The following TSHZ2 variants were observed in gnomAD, a reference collection of about 807,000 sequenced individuals.
TSHZ2 encodes teashirt zinc finger homeobox 2.
Under a neutral mutation model 74.4 loss-of-function variants are expected in TSHZ2, and 21 were observed. The ratio of observed to expected loss-of-function variants is 0.28; its 90% CI spans 0.20 to 0.41. The LOEUF is 0.41. Ranked by LOEUF, TSHZ2 falls within the 10% of genes least tolerant of loss-of-function variation. The pLI is 1.00. For missense variants in TSHZ2, 1,244 were observed against 1,293.5 expected (o/e 0.96, Z 0.59); for synonymous variants, 540 against 515.3 (o/e 1.05, Z -0.65).
intron 2 of TSHZ2, among the ~76,000 whole-genome samples, chr20:53,409,229 T>C (rs1383826624): frequency 6.6e-6 from 1 of 150,624 alleles, no homozygotes; most frequent in Non-Finnish European, 1.5e-5. Context: ...AAATCAATAA[T>C]GCTCTGTTTG....
At chr20:53,325,095 G>A (rs1350248405) in intron 2 of TSHZ2, among the ~76,000 whole-genome samples, 1 of 152,194 alleles carries the variant, frequency 6.6e-6, no homozygotes, top group African/African-American at 2.4e-5. Flanking sequence ...ACTGTCTTAC[G>A]AACACAGGGA....
At chr20:53,225,656 G>A (rs181270844) in intron 1 of TSHZ2, among the ~76,000 whole-genome samples, 1 of 152,296 alleles carries the variant, frequency 6.6e-6, no homozygotes, top group Non-Finnish European at 1.5e-5. Context: ...TTTTACAGCC[G>A]AAGAAACTGG....
chr20:53,210,757 C>G (rs1474401880), intron 1 of TSHZ2, among the ~76,000 whole-genome samples: 4 of 152,046 alleles, frequency 2.6e-5, no homozygotes, highest in Non-Finnish European at 1.5e-5. Context: ...CCTCTTCTAT[C>G]CAGTATTTCC....
At chr20:52,984,265 C>A (rs1021416414) in intron 1 of TSHZ2, among the ~76,000 whole-genome samples, 6 of 152,104 alleles carry the variant, frequency 3.9e-5, no homozygotes, top group African/African-American at 1.4e-4. Context: ...CCTGCCTTCC[C>A]GGAGCTTACA....
intron 2 of TSHZ2, among the ~76,000 whole-genome samples, chr20:53,474,158 G>A (rs1316614062): frequency 7.4e-5 from 11 of 148,796 alleles, no homozygotes; most frequent in African/African-American, 1.5e-4. Context: ...TGCAGAGAAC[G>A]CCACAAAGAT....
chr20:53,176,445 C>T (rs138697739), intron 1 of TSHZ2, among the ~76,000 whole-genome samples: 1 of 152,154 alleles, frequency 6.6e-6, no homozygotes, highest in East Asian at 1.9e-4. Context: ...TCTCAAAGCC[C>T]TCTTAATTGA....
rs1221348814 is a variant in TSHZ2, at chr20:53,475,708, A to G, written c.*9-11436A>G. Reference sequence around the variant, plus strand: ...ACACAAAAAACCCTTCAAAAAATTAATGAATCCAGGAGCTGGTTTCTTGAA... The same window carrying G: ...ACACAAAAAACCCTTCAAAAAATTAGTGAATCCAGGAGCTGGTTTCTTGAA... On this transcript the variant is annotated intron_variant, in intron 2 of 2. Coordinates refer to ENST00000371497, the MANE Select transcript of TSHZ2 (RefSeq NM_173485.6). 5.0e-5 allele frequency among the ~76,000 whole-genome samples: 7 copies of G among 139,880 alleles called. 2 individuals are homozygous for G. In the East Asian group the frequency reaches 1.3e-3, roughly 27 times the overall value. The allele number at this position is 139,880 out of a possible 152,430, so 91.8% of individuals were successfully genotyped here.
At chr20:52,980,011 C>T (rs1207602483) in intron 1 of TSHZ2, among the ~76,000 whole-genome samples, 2 of 152,182 alleles carry the variant, frequency 1.3e-5, no homozygotes, top group Non-Finnish European at 2.9e-5. Flanking sequence ...ATTTCAATAT[C>T]CTCCTACCTG....
chr20:53,354,551 T>G (rs1980773231), intron 2 of TSHZ2, among the ~76,000 whole-genome samples: 1 of 152,232 alleles, frequency 6.6e-6, no homozygotes, highest in Admixed American at 6.5e-5. Context: ...TTTCTCAATT[T>G]GAGTCATATT....
At chr20:53,134,594 A>G (rs1032119262) in intron 1 of TSHZ2, among the ~76,000 whole-genome samples, 1 of 152,152 alleles carries the variant, frequency 6.6e-6, no homozygotes. Context: ...TGCATCCTCT[A>G]TGTATTACGC....
At chr20:53,108,868 G>A (rs534948732) in intron 1 of TSHZ2, among the ~76,000 whole-genome samples, 19 of 152,178 alleles carry the variant, frequency 1.2e-4, no homozygotes, top group African/African-American at 4.3e-4. Context: ...AGTGTCCCTG[G>A]TTCGCCAACA....
At chr20:53,185,729 T>C in intron 1 of TSHZ2, 1 of 1,535,332 alleles carries the variant, frequency 6.5e-7, no homozygotes, top group Non-Finnish European at 8.7e-7. Flanking sequence ...GGCTCTATTC[T>C]CTTGCTAAAT....
intron 2 of TSHZ2, among the ~76,000 whole-genome samples, chr20:53,257,953 A>C (rs1057119317): frequency 6.6e-5 from 10 of 152,244 alleles, no homozygotes; most frequent in Admixed American, 6.5e-4. Context: ...AGCGGTATTT[A>C]CATGGCATGG....
At chr20:53,090,960 C>A (rs1394368669) in intron 1 of TSHZ2, among the ~76,000 whole-genome samples, 1 of 152,138 alleles carries the variant, frequency 6.6e-6, no homozygotes, top group Non-Finnish European at 1.5e-5. Context: ...AAAATACTTA[C>A]CATATCAGAT....
chr20:53,353,156 G>A (rs1980717226), intron 2 of TSHZ2, among the ~76,000 whole-genome samples: 1 of 152,136 alleles, frequency 6.6e-6, no homozygotes, highest in Admixed American at 6.5e-5. Flanking sequence ...GATAGTCCAG[G>A]ATATCAGTTA....
Position 53,255,854 on chromosome 20 carries a change from T to A in TSHZ2, c.2396T>A (p.Val799Asp). 6.2e-7 allele frequency: 1 copy of A among 1,611,530 alleles called. No individual in the cohort carries two copies. Among genetic ancestry groups the A allele is most frequent in the South Asian group, 1.1e-5 (1 of 90,740 alleles). The change falls in exon 2 of 3, where the codon GTC (valine) becomes GAC (aspartate). Residue 799 changes from valine to aspartate, a missense_variant. Transcript: ENST00000371497. This position sits in a 1 kb window ranked among gnomAD's most constrained non-coding sequence, Gnocchi z 4.1. ...KHALSDIADM[V>D]KVLPKATTPK... ...GCTCTGTCTGACATCGCCGACATGGTCAAAGTCCTCCCCAAAGCCACCACC... is the reference window on the plus strand; with the variant it reads ...GCTCTGTCTGACATCGCCGACATGGACAAAGTCCTCCCCAAAGCCACCACC...
At chr20:53,454,240 C>T (rs1984950976) in intron 2 of TSHZ2, among the ~76,000 whole-genome samples, 1 of 152,108 alleles carries the variant, frequency 6.6e-6, no homozygotes. Flanking sequence ...ACTTCTTTGG[C>T]TGTCTGATGA....
intron 2 of TSHZ2, among the ~76,000 whole-genome samples, chr20:53,326,843 C>T (rs1434375789): frequency 1.3e-5 from 2 of 152,222 alleles, no homozygotes; most frequent in African/African-American, 2.4e-5. Context: ...GAAAATCTTA[C>T]ACTACCTGCC....
At chr20:53,215,182 A>G (rs899158329) in intron 1 of TSHZ2, among the ~76,000 whole-genome samples, 1 of 152,166 alleles carries the variant, frequency 6.6e-6, no homozygotes, top group African/African-American at 2.4e-5. Flanking sequence ...TAGAAAATCT[A>G]ACAGCACTGA....
Sources: allele counts gnomAD v4.1 joint callset (sites outside exome capture counted in the v4.1 genomes callset), GRCh38; gene constraint gnomAD v4.1.1; non-coding constraint Gnocchi (gnomAD v3.1); transcripts MANE v1.5; gene names NCBI Gene and HGNC (gene_info 2026-07-23, HGNC 2026-07-21).